The following CCNL1 variants were observed in gnomAD, a reference collection of about 807,000 sequenced individuals.
CCNL1 encodes the protein cyclin L1.
In CCNL1, 13 loss-of-function variants were observed where a neutral mutation model predicts 60.6. The observed-to-expected ratio is 0.21, with a 90% CI of 0.14 to 0.34. The LOEUF is 0.34. Ranked by LOEUF, CCNL1 falls within the 10% of genes least tolerant of loss-of-function variation. The probability of loss-of-function intolerance (pLI) is 1.00; values close to 1 mark genes in which losing one functional copy is unlikely to be tolerated. For missense variants in CCNL1, 481 were observed against 664.3 expected (o/e 0.72, Z 3.03); for synonymous variants, 270 against 244.3 (o/e 1.10, Z -0.98).
At chr3:157,150,754 A>G in intron 5 of CCNL1, 1 of 1,004,608 alleles carries the variant, frequency 1.0e-6, no homozygotes, top group Non-Finnish European at 1.2e-6. Context: ...GCCATTAATT[A>G]CTGACCATCT....
chr3:157,158,982 G>C lies in CCNL1; in HGVS notation c.379-7C>G, dbSNP rs1238013378. ...TACAAGCCATAGCAACAATCTGAAA[G>C]AACCCATGAGCCACAAAAGCCATTG... On this transcript the variant is annotated splice_polypyrimidine_tract_variant and splice_region_variant and intron_variant, in intron 2 of 10. Coordinates refer to ENST00000295926, the MANE Select transcript of CCNL1 (RefSeq NM_020307.4). The C allele has an allele frequency of 6.3e-7, 1 of 1,580,592 alleles. No homozygotes were observed. Among genetic ancestry groups the C allele is most frequent in the Non-Finnish European group, 8.7e-7 (1 of 1,153,466 alleles).
At chr3:157,146,202 CTTTG>C (rs146062718), downstream of CCNL1, among the ~76,000 whole-genome samples, 1,338 of 152,194 alleles carry the variant, frequency 8.8e-3, 16 homozygotes, top group African/African-American at 0.03. Flanking sequence ...TATTGCACAA[CTTTG>C]TTTCTCAAAA....
downstream of CCNL1, among the ~76,000 whole-genome samples, chr3:157,143,395 C>T (rs1251982495): frequency 6.6e-6 from 1 of 152,024 alleles, no homozygotes; most frequent in East Asian, 1.9e-4. Context: ...ATATGAAAGA[C>T]AAGAAAGTGT....
rs1220080657 is a variant in CCNL1 at position 157,159,776 on chromosome 3, G to A, written c.303+16C>T. On this transcript the variant is annotated intron_variant, in intron 1 of 10. Coordinates refer to ENST00000295926, the MANE Select transcript of CCNL1 (RefSeq NM_020307.4). ...AGGAGAGGAGCGCCCGGCCGGCCCG[G>A]GGCCGGAGCACTGACCTGCGGCAGC... The A allele has an allele frequency of 1.3e-6, 2 of 1,519,390 alleles. No individual in the cohort carries two copies. 94.1% of individuals were successfully genotyped at this position (1,519,390 alleles called of 1,614,324 possible). A position where few individuals can be genotyped will look rare whatever the true frequency, so the allele number is the denominator to read the frequency against.
At chr3:157,150,664 C>A in intron 5 of CCNL1, 1 of 1,096,902 alleles carries the variant, frequency 9.1e-7, no homozygotes, top group East Asian at 5.5e-5. Context: ...TAATATATTT[C>A]TGTAAAAAGC....
chr3:157,148,919 C>G (rs1737949151), intron 10 of CCNL1: 1 of 338,796 alleles, frequency 3.0e-6, no homozygotes. Flanking sequence ...ACAGGCCTAA[C>G]TAAAGAAGAT....
In CCNL1 at chr3:157,150,310, C is replaced by T; in HGVS notation, c.746G>A (p.Cys249Tyr). ...AAGTGCTCTAGCTGCAAGGTAGATGCAAGCACATGCTATAGTCTCTGGTTG... is the reference window on the plus strand; with the variant it reads ...AAGTGCTCTAGCTGCAAGGTAGATGTAAGCACATGCTATAGTCTCTGGTTG... ...RFQPETIACA[C>Y]IYLAARALQI... The change falls in exon 6 of 11, where the codon TGC (cysteine) becomes TAC (tyrosine). Residue 249 changes from cysteine to tyrosine, a missense_variant. Around this residue, in one of 5 missense-constraint regions of CCNL1, gnomAD observed 75 missense variants for 129.6 expected, o/e 0.58. Coordinates refer to ENST00000295926, the MANE Select transcript of CCNL1 (RefSeq NM_020307.4). 1 of 1,613,970 alleles carries T rather than the reference C, an allele frequency of 6.2e-7. No homozygotes were observed. Among genetic ancestry groups the T allele is most frequent in the Non-Finnish European group, 8.5e-7 (1 of 1,179,910 alleles).
In CCNL1 at chr3:157,158,856, C is replaced by T; in HGVS notation, c.488+10G>A. 1 of 1,546,316 alleles carries T rather than the reference C, an allele frequency of 6.5e-7. No individual in the cohort carries two copies. Among genetic ancestry groups the T allele is most frequent in the East Asian group, 2.2e-5 (1 of 44,492 alleles). On this transcript the variant is annotated intron_variant, in intron 3 of 10. Coordinates refer to ENST00000295926, the MANE Select transcript of CCNL1 (RefSeq NM_020307.4). ...GCAAGAGATACTATGTTCAATAATG[C>T]CAATCTTACCTTTTTCCTCTTAACT...
rs1186668503 is a variant in CCNL1 at position 157,159,969 on chromosome 3, G to A, written c.126C>T (p.Ile42=). ...AAACTTCCGAGTACAGGCGATCGCC[G>A]ATCAGGATCCCTCCCGTCGTGGTCG... The part of the protein sequence containing the change: ...TTTTTTGGIL[I]GDRLYSEVSL... Residue 42 remains isoleucine, a synonymous_variant, in exon 1 of 11, where the codon ATC becomes ATT. Coordinates refer to ENST00000295926, the MANE Select transcript of CCNL1 (RefSeq NM_020307.4). 1.3e-6 allele frequency: 2 copies of A among 1,593,922 alleles called. No individual in the cohort carries two copies. The highest frequency in any genetic ancestry group is 1.8e-5 in the Admixed American group (1 of 56,752).
At chr3:157,145,454 A>AAAAAAAAAAAAAAAAAAAAAAAAAAAC (rs1737753071), downstream of CCNL1, among the ~76,000 whole-genome samples, 2 of 148,850 alleles carry the variant, frequency 1.3e-5, no homozygotes, top group Non-Finnish European at 3.0e-5. Flanking sequence ...AAAAAAAAAA[A>AAAAAAAAAAAAAAAAAAAAAAAAAAAC]AAAAAAAAAA....
intron 3 of CCNL1, among the ~76,000 whole-genome samples, chr3:157,155,530 C>A (rs1351633400): frequency 6.6e-6 from 1 of 152,104 alleles, no homozygotes; most frequent in Non-Finnish European, 1.5e-5. Flanking sequence ...TTATTACCTG[C>A]AATTTTCAAA....
Position 157,150,183 on chromosome 3 carries a change from A to G in CCNL1, c.775-14T>C. ...TGGCAACGGAATCTAAACCATAAGA[A>G]CAGAATGTTTTAAATTAAATTTTTG... On this transcript the variant is annotated splice_polypyrimidine_tract_variant and intron_variant, in intron 6 of 10. Coordinates refer to ENST00000295926, the MANE Select transcript of CCNL1 (RefSeq NM_020307.4). The G allele has an allele frequency of 6.2e-7, 1 of 1,610,322 alleles. No individual in the cohort carries two copies. Among genetic ancestry groups the G allele is most frequent in the Non-Finnish European group, 8.5e-7 (1 of 1,178,162 alleles).
intron 2 of CCNL1, 59 bp downstream of exon 2, chr3:157,159,346 C>T (rs1335700022): frequency 2.7e-6 from 4 of 1,501,326 alleles, no homozygotes; most frequent in African/African-American, 1.4e-5. Flanking sequence ...CTGACACTAC[C>T]CCTACTCTGC....
downstream of CCNL1, among the ~76,000 whole-genome samples, chr3:157,144,436 G>A (rs1304205332): frequency 1.3e-5 from 2 of 152,284 alleles, no homozygotes; most frequent in South Asian, 2.1e-4. Context: ...GTAGACAAGA[G>A]GTAAAATAAC....
intron 4 of CCNL1, 50 bp from the exon 5 acceptor site, chr3:157,152,291 GGAGTA>G (rs1560198060): frequency 6.3e-7 from 1 of 1,578,270 alleles, no homozygotes; most frequent in East Asian, 2.3e-5. Context: ...TAGTTCTTTC[GGAGTA>G]GAGTTCAATG....
downstream of CCNL1, among the ~76,000 whole-genome samples, chr3:157,147,372 G>A (rs866639967): frequency 6.6e-5 from 10 of 152,012 alleles, no homozygotes; most frequent in African/African-American, 2.4e-4. Flanking sequence ...TCAAGTTCAG[G>A]GGCCTCACAT....
chr3:157,150,649 A>C, intron 5 of CCNL1: 1 of 1,151,274 alleles, frequency 8.7e-7, no homozygotes, highest in Non-Finnish European at 1.1e-6. Context: ...TTACTCCTAA[A>C]AAGTTAATAT....
intron 5 of CCNL1, chr3:157,150,745 C>G: frequency 9.9e-7 from 1 of 1,007,006 alleles, no homozygotes; most frequent in South Asian, 4.2e-5. Context: ...ATACTTCAAG[C>G]CATTAATTAC....
At chr3:157,143,549 A>G (rs572952054), downstream of CCNL1, among the ~76,000 whole-genome samples, 1 of 152,374 alleles carries the variant, frequency 6.6e-6, no homozygotes, top group South Asian at 2.1e-4. Flanking sequence ...AATAATGAAT[A>G]AACTACAGAG....
Sources: allele counts gnomAD v4.1 joint callset (sites outside exome capture counted in the v4.1 genomes callset), GRCh38; gene constraint gnomAD v4.1.1; regional missense constraint gnomAD v4.1.1; transcripts MANE v1.5; gene names NCBI Gene and HGNC (gene_info 2026-07-23, HGNC 2026-07-21).